MRM1: variants seen among roughly 807,000 people sequenced by gnomAD.
The protein encoded by MRM1 is rRNA methyltransferase 1, mitochondrial.
MRM1 carries 24 observed loss-of-function variants against 25.0 expected under a neutral mutation model. The ratio of observed to expected loss-of-function variants is 0.96; its 90% CI spans 0.69 to 1.35. The LOEUF is 1.35. Ranked by LOEUF, MRM1 falls within the 40% of genes most tolerant of loss-of-function variation. MRM1 has a pLI of 0.00. For synonymous variants in MRM1, 188 were observed against 199.2 expected (o/e 0.94, Z 0.47); for missense variants, 431 against 464.1 (o/e 0.93, Z 0.65).
At chr17:36,615,239 C>T in the MRM1 span, among the ~76,000 whole-genome samples, 1 of 152,222 alleles carries the variant, frequency 6.6e-6, no homozygotes. Context: ...CTGTCTTTCT[C>T]CTGCCCTCTC....
chr17:36,609,394 G>T (rs1390226229), downstream of MRM1, among the ~76,000 whole-genome samples: 1 of 152,240 alleles, frequency 6.6e-6, no homozygotes, highest in Non-Finnish European at 1.5e-5. Flanking sequence ...GCCACCATTG[G>T]TCTAATGTGC....
intron 2 of MRM1, among the ~76,000 whole-genome samples, chr17:36,606,418 T>TC (rs2074928602): frequency 6.6e-6 from 1 of 150,982 alleles, no homozygotes; most frequent in Non-Finnish European, 1.5e-5. Context: ...TGGATAATTT[T>TC]TTTTTTTTTT....
chr17:36,607,906 G>A lies in MRM1; in HGVS notation c.777G>A (p.Glu259=). The part of the protein sequence containing the change: ...ERPTLLVLGN[E]GSGLSQEVQA... ...CAGCCCCACGCCCTGCAGGGAATGA[G>A]GGCTCAGGTCTATCCCAGGAGGTGC... The change falls in exon 4 of 5, where the codon GAG becomes GAA. Residue 259 remains glutamate, a synonymous_variant. Transcript: ENST00000614766. 8.7e-6 allele frequency: 14 copies of A among 1,613,988 alleles called. No homozygotes were observed. Among genetic ancestry groups the A allele is most frequent in the African/African-American group, 1.3e-5 (1 of 75,036 alleles).
chr17:36,614,636 C>T, the MRM1 span, among the ~76,000 whole-genome samples: 1 of 152,200 alleles, frequency 6.6e-6, no homozygotes, highest in Non-Finnish European at 1.5e-5. Flanking sequence ...TCCCATCCCA[C>T]CCATCTCTTG....
At chr17:36,633,068 A>T in the MRM1 span, among the ~76,000 whole-genome samples, 2 of 152,364 alleles carry the variant, frequency 1.3e-5, no homozygotes, top group East Asian at 3.9e-4. Context: ...GGATAATTAC[A>T]AAACTGTTCC....
At chr17:36,626,707 C>T in the MRM1 span, among the ~76,000 whole-genome samples, 6 of 152,130 alleles carry the variant, frequency 3.9e-5, no homozygotes, top group African/African-American at 1.4e-4. Flanking sequence ...GATCATGGCT[C>T]TGTCTTTCAG....
chr17:36,606,903 G>A (rs2074933865), intron 2 of MRM1, among the ~76,000 whole-genome samples: 1 of 129,626 alleles, frequency 7.7e-6, no homozygotes, highest in Non-Finnish European at 1.6e-5. Flanking sequence ...GAGCTACTGC[G>A]CCTGGTTTTT....
rs60978234 is a variant in MRM1 at position 36,602,102 on chromosome 17, C to T, written c.292C>T (p.Pro98Ser). ...LLRMAEARDIPVLRPRRQKLD... is the reference protein window; with the variant it reads ...LLRMAEARDISVLRPRRQKLD... ...CCGGATGGCCGAGGCGCGGGACATT[C>T]CAGTTCTGCGGCCCAGACGGCAGAA... The change falls in exon 1 of 5, where the codon CCA (proline) becomes TCA (serine). Residue 98 changes from proline to serine, a missense_variant. Transcript: ENST00000614766. The surrounding 1 kb of genome is among the most constrained non-coding windows in gnomAD (Gnocchi z 4.1). 6.7e-4 allele frequency: 1,087 copies of T among 1,611,496 alleles called. 8 individuals carry two copies. In the African/African-American group the frequency reaches 0.014, roughly 20 times the overall value.
intron 2 of MRM1, among the ~76,000 whole-genome samples, chr17:36,605,101 T>C (rs1056936273): frequency 4.0e-5 from 6 of 150,834 alleles, no homozygotes; most frequent in Non-Finnish European, 7.4e-5. Context: ...GATCACAGCG[T>C]TGCACTCCAG....
chr17:36,618,101 C>T, the MRM1 span, among the ~76,000 whole-genome samples: 2 of 152,090 alleles, frequency 1.3e-5, no homozygotes, highest in Non-Finnish European at 2.9e-5. Context: ...GGGTTCTCCC[C>T]CCACACTTGA....
At chr17:36,614,600 C>A in the MRM1 span, among the ~76,000 whole-genome samples, 9 of 152,164 alleles carry the variant, frequency 5.9e-5, no homozygotes, top group African/African-American at 9.7e-5. Flanking sequence ...TCAGAATCCC[C>A]CTGTGAACAG....
rs146547471 is a variant in MRM1 at position 36,608,330 on chromosome 17, C to G, written c.977C>G (p.Pro326Arg). Reference sequence around the variant, plus strand: ...CAGCTTCTCCAAGACCCCCAAGAACCCTCAGCCAGGTCTGAAGGGCTCAGC... The same window carrying G: ...CAGCTTCTCCAAGACCCCCAAGAACGCTCAGCCAGGTCTGAAGGGCTCAGC... ...RRQLLQDPQEPSARSEGLSMA... is the reference protein window; with the variant it reads ...RRQLLQDPQERSARSEGLSMA... Residue 326 changes from proline (P) to arginine (R), a missense_variant, in exon 5 of 5, where the codon CCC becomes CGC. Pro to Arg is a moderately radical substitution (Grantham distance 103). Coordinates refer to ENST00000614766, the MANE Select transcript of MRM1 (RefSeq NM_024864.5). The G allele has an allele frequency of 3.1e-6, 5 of 1,611,536 alleles. No homozygotes were observed. The African/African-American group carries it at 6.7e-5, about 22-fold the overall frequency.
At chr17:36,624,955 G>T in the MRM1 span, among the ~76,000 whole-genome samples, 3 of 152,142 alleles carry the variant, frequency 2.0e-5, no homozygotes. This position sits in a 1 kb window ranked among gnomAD's most constrained non-coding sequence, Gnocchi z 4.0. Context: ...ATGCTGACGT[G>T]AAGGAAGCTG....
chr17:36,611,155 A>C (rs1056190171), downstream of MRM1, among the ~76,000 whole-genome samples: 32 of 152,344 alleles, frequency 2.1e-4, no homozygotes, highest in African/African-American at 7.5e-4. Context: ...TTGTGTGACC[A>C]GGTTCAAGAA....
chr17:36,611,824 CA>C (rs1220396815), downstream of MRM1, among the ~76,000 whole-genome samples: 1 of 152,200 alleles, frequency 6.6e-6, no homozygotes, highest in Non-Finnish European at 1.5e-5. Context: ...CTCAGGCCTT[CA>C]AACTCAGGCT....
the MRM1 span, among the ~76,000 whole-genome samples, chr17:36,622,602 A>G: frequency 1.1e-4 from 17 of 151,820 alleles, no homozygotes; most frequent in Non-Finnish European, 1.6e-4. Flanking sequence ...CAAACCTCAT[A>G]TGGGGGCATC....
Position 36,601,688 on chromosome 17 carries a change from C to T in MRM1, c.-123C>T. Reference sequence around the variant, plus strand: ...CTGTTTGTTCCTGTCCGAGAGAGCTCGGCGGAGACGGCTGTCGAGTACCCT... The same window carrying T: ...CTGTTTGTTCCTGTCCGAGAGAGCTTGGCGGAGACGGCTGTCGAGTACCCT... On this transcript the variant is annotated 5_prime_UTR_variant, in exon 1 of 5. Coordinates refer to ENST00000614766, the MANE Select transcript of MRM1 (RefSeq NM_024864.5). The T allele has an allele frequency of 2.8e-6, 3 of 1,063,754 alleles. No homozygotes were observed. Among genetic ancestry groups the T allele is most frequent in the South Asian group, 1.7e-5 (1 of 57,956 alleles). 65.9% of individuals were successfully genotyped at this position (1,063,754 alleles called of 1,614,324 possible). A position where few individuals can be genotyped will look rare whatever the true frequency, so the allele number is the denominator to read the frequency against.
rs146547471 is a variant in MRM1, at chr17:36,608,330, C to T, written c.977C>T (p.Pro326Leu). 1.9e-6 allele frequency: 3 copies of T among 1,611,536 alleles called. No individual in the cohort carries two copies. Among genetic ancestry groups the T allele is most frequent in the African/African-American group, 2.7e-5 (2 of 74,854 alleles). Residue 326 changes from proline (P) to leucine (L), a missense_variant, in exon 5 of 5, where the codon CCC (proline) becomes CTC (leucine). By Grantham distance (98) the Pro-to-Leu change is moderately conservative. Coordinates refer to ENST00000614766, the MANE Select transcript of MRM1 (RefSeq NM_024864.5). ...CAGCTTCTCCAAGACCCCCAAGAAC[C>T]CTCAGCCAGGTCTGAAGGGCTCAGC... is the stretch of plus-strand genomic sequence containing the variant. ...RRQLLQDPQE[P>L]SARSEGLSMA...
chr17:36,624,382 T>G, the MRM1 span, among the ~76,000 whole-genome samples: 1 of 152,190 alleles, frequency 6.6e-6, no homozygotes. The surrounding 1 kb of genome is among the most constrained non-coding windows in gnomAD (Gnocchi z 4.0). Flanking sequence ...GACCCCACCC[T>G]GAGCACCCCT....
Sources: gnomAD v4.1 joint callset for allele counts (sites outside exome capture counted in the v4.1 genomes callset) on GRCh38, gnomAD v4.1.1 for gene constraint, Gnocchi (gnomAD v3.1) non-coding constraint, MANE v1.5 for transcripts, NCBI Gene and HGNC (gene_info 2026-07-23, HGNC 2026-07-21) for gene names.